The following FCN1 variants were observed in gnomAD, a reference collection of about 807,000 sequenced individuals.
The protein encoded by FCN1 is ficolin-1.
In FCN1, 42 loss-of-function variants were observed where a neutral mutation model predicts 35.6. That is an observed-to-expected ratio of 1.18 (90% CI 0.92 to 1.53). FCN1 has a LOEUF of 1.53. Among genes scored for constraint, FCN1 ranks in the 40% most tolerant of loss-of-function variants. FCN1 has a pLI of 0.00. For missense variants in FCN1, 439 were observed against 428.4 expected (o/e 1.02, Z -0.22); for synonymous variants, 179 against 169.8 (o/e 1.05, Z -0.42).
rs571364244 is a variant in FCN1 at position 134,905,025 on chromosome 9, T to G, written c.*4773A>C. On this transcript the variant is annotated 3_prime_UTR_variant, in exon 9 of 9. Transcript: ENST00000371806. ...GGCATAAAAAGCAGAAGGGAGTGAA[T>G]GTAGTTAGAGGTGTTTCAAAGTCTT... Among the ~76,000 whole-genome samples the G allele has an allele frequency of 7.7e-4, 117 of 152,032 alleles. No homozygotes were observed. The highest frequency in any genetic ancestry group is 2.6e-3 in the African/African-American group (106 of 41,464).
rs1831065750 is a variant in FCN1 at position 134,914,432 on chromosome 9, G to A, written c.272-12C>T. The A allele has an allele frequency of 1.2e-6, 2 of 1,613,806 alleles. No individual in the cohort carries two copies. Among genetic ancestry groups the A allele is most frequent in the East Asian group, 4.5e-5 (2 of 44,856 alleles). Reference sequence around the variant, plus strand: ...CTCTCCTCGGTCTCCTGGAGGAAGAGGCAGGATAATGAGCTTTTGACCCCA... The same window carrying A: ...CTCTCCTCGGTCTCCTGGAGGAAGAAGCAGGATAATGAGCTTTTGACCCCA... On this transcript the variant is annotated splice_polypyrimidine_tract_variant and intron_variant, in intron 3 of 8. Coordinates refer to ENST00000371806, the MANE Select transcript of FCN1 (RefSeq NM_002003.5).
intron 6 of FCN1, 119 bp downstream of exon 6, chr9:134,912,897 C>T: frequency 6.8e-7 from 1 of 1,474,992 alleles, no homozygotes; most frequent in South Asian, 1.3e-5. Flanking sequence ...CTTCCCCCAT[C>T]ATCTATGATT....
intron 7 of FCN1, among the ~76,000 whole-genome samples, chr9:134,912,085 C>G (rs371008581): frequency 1.3e-5 from 2 of 152,170 alleles, no homozygotes; most frequent in African/African-American, 4.8e-5. Flanking sequence ...CAGGTGAGTG[C>G]GGCTGTGGGG....
In FCN1 at chr9:134,904,289, C is replaced by T. The variant is rs924536585; in HGVS notation, c.*5509G>A. Reference sequence around the variant, plus strand: ...AGTCATATTACCTTCAGAGGAGCAACAAGACTTTCAGCTAGCTTTTCAGCT... The same window carrying T: ...AGTCATATTACCTTCAGAGGAGCAATAAGACTTTCAGCTAGCTTTTCAGCT... On this transcript the variant is annotated 3_prime_UTR_variant, in exon 9 of 9. Coordinates refer to ENST00000371806, the MANE Select transcript of FCN1 (RefSeq NM_002003.5). 6.6e-6 allele frequency among the ~76,000 whole-genome samples: 1 copy of T among 152,122 alleles called. No individual in the cohort carries two copies. The highest frequency in any genetic ancestry group is 2.4e-5 in the African/African-American group (1 of 41,434).
intron 7 of FCN1, among the ~76,000 whole-genome samples, chr9:134,912,106 G>A (rs1055011280): frequency 1.3e-5 from 2 of 152,338 alleles, no homozygotes; most frequent in African/African-American, 4.8e-5. Flanking sequence ...GGCCTGCTGA[G>A]GCGTGGGCTG....
rs1021810188 is a variant in FCN1 at position 134,904,507 on chromosome 9, G to A, written c.*5291C>T. 2.6e-5 allele frequency among the ~76,000 whole-genome samples: 4 copies of A among 152,128 alleles called. No homozygotes were observed. Among genetic ancestry groups the A allele is most frequent in the African/African-American group, 7.2e-5 (3 of 41,428 alleles). ...TCAAAAAATATATGAGGCTGGGCAC[G>A]GTGTCTCACATCTGTAATCCTAGCA... On this transcript the variant is annotated 3_prime_UTR_variant, in exon 9 of 9. Transcript: ENST00000371806.
In FCN1 at chr9:134,909,074, T is replaced by C; in HGVS notation, c.*724A>G. The C allele has an allele frequency of 7.4e-6, 4 of 540,482 alleles. No homozygotes were observed. The highest frequency in any genetic ancestry group is 1.2e-5 in the Non-Finnish European group (4 of 347,506). The allele number at this position is 540,482 out of a possible 1,614,324, so 33.5% of individuals were successfully genotyped here. ...CATCTCCTAGAAGCCTTGTGCAGCT[T>C]TTCCCACTGAGGTCCGCGGTCCCCT... On this transcript the variant is annotated 3_prime_UTR_variant, in exon 9 of 9. Transcript: ENST00000371806.
Position 134,905,468 on chromosome 9 carries a change from T to C in FCN1, c.*4330A>G, listed in dbSNP as rs576792871. 1.1e-4 allele frequency among the ~76,000 whole-genome samples: 16 copies of C among 152,290 alleles called. No individual in the cohort carries two copies. Among genetic ancestry groups the C allele is most frequent in the African/African-American group, 3.6e-4 (15 of 41,568 alleles). On this transcript the variant is annotated 3_prime_UTR_variant, in exon 9 of 9. Coordinates refer to ENST00000371806, the MANE Select transcript of FCN1 (RefSeq NM_002003.5). ...ATTGGTGATGGGAAAAGACTCTTCA[T>C]CTCTTCATAAGCTTGCTTTGCTTCT...
intron 2 of FCN1, 87 bp downstream of exon 2, chr9:134,916,261 G>A (rs911527776): frequency 3.9e-6 from 4 of 1,014,842 alleles, no homozygotes; most frequent in East Asian, 2.4e-5. Flanking sequence ...CACGGTGGGG[G>A]TGTTGCCCAA....
In FCN1 at chr9:134,909,136, G is replaced by T; in HGVS notation, c.*662C>A. 8.5e-7 allele frequency: 1 copy of T among 1,172,862 alleles called. No homozygotes were observed. The highest frequency in any genetic ancestry group is 1.4e-5 in the South Asian group (1 of 71,592). The allele number at this position is 1,172,862 out of a possible 1,614,324, so 72.7% of individuals were successfully genotyped here. A position where few individuals can be genotyped will look rare whatever the true frequency, so the allele number is the denominator to read the frequency against. On this transcript the variant is annotated 3_prime_UTR_variant, in exon 9 of 9. Coordinates refer to ENST00000371806, the MANE Select transcript of FCN1 (RefSeq NM_002003.5). Reference sequence around the variant, plus strand: ...CTGTGTGTGGGAGGAAGGCCTCTTCGGAATCTTCTCTGTGCAGGTGGCTGA... The same window carrying T: ...CTGTGTGTGGGAGGAAGGCCTCTTCTGAATCTTCTCTGTGCAGGTGGCTGA...
chr9:134,906,437 G>T lies in FCN1; in HGVS notation c.*3361C>A, dbSNP rs532459126. 2.0e-5 allele frequency: 3 copies of T among 152,196 alleles called. No individual in the cohort carries two copies. The highest frequency in any genetic ancestry group is 7.2e-5 in the African/African-American group (3 of 41,526). 9.4% of individuals were successfully genotyped at this position (152,196 alleles called of 1,614,324 possible). A position where few individuals can be genotyped will look rare whatever the true frequency, so the allele number is the denominator to read the frequency against. Reference sequence around the variant, plus strand: ...TAAATAACTTCAAACATTTAAAATTGCAATAAGAAGTGGAATACACTCAAA... The same window carrying T: ...TAAATAACTTCAAACATTTAAAATTTCAATAAGAAGTGGAATACACTCAAA... On this transcript the variant is annotated 3_prime_UTR_variant, in exon 9 of 9. Coordinates refer to ENST00000371806, the MANE Select transcript of FCN1 (RefSeq NM_002003.5).
intron 4 of FCN1, 21 bp downstream of exon 4, chr9:134,914,364 C>T (rs1323511694): frequency 6.2e-7 from 1 of 1,612,886 alleles, no homozygotes; most frequent in East Asian, 2.2e-5. Context: ...AGACAACTGC[C>T]TGGGCCCACG....
rs951231867 is a variant in FCN1 at position 134,914,382 on chromosome 9, C to T, written c.307+3G>A. ...CAACTGCCTGGGCCCACGGGTGGCT[C>T]ACCTTTCTCTCCACGCATCCCCTTC... is the stretch of plus-strand genomic sequence containing the variant. On this transcript the variant is annotated splice_donor_region_variant and intron_variant, in intron 4 of 8. Coordinates refer to ENST00000371806, the MANE Select transcript of FCN1 (RefSeq NM_002003.5). The T allele has an allele frequency of 1.9e-6, 3 of 1,613,886 alleles. No individual in the cohort carries two copies. In the African/African-American group the frequency reaches 4.0e-5, roughly 22 times the overall value.
chr9:134,915,728 A>G (rs1831084333), intron 2 of FCN1, among the ~76,000 whole-genome samples: 1 of 152,006 alleles, frequency 6.6e-6, no homozygotes, highest in South Asian at 2.1e-4. Flanking sequence ...TGGGGAGCTC[A>G]CCCCCTAAGG....
rs1248877016 is a variant in FCN1 at position 134,916,313 on chromosome 9, G to A, written c.217+35C>T. ...ATAAAGAGCAAGAGCCAGTGCCCCTGCCATGCCTGGCCTCCCCACCCGGCC... is the reference window on the plus strand; with the variant it reads ...ATAAAGAGCAAGAGCCAGTGCCCCTACCATGCCTGGCCTCCCCACCCGGCC... On this transcript the variant is annotated intron_variant, in intron 2 of 8. Coordinates refer to ENST00000371806, the MANE Select transcript of FCN1 (RefSeq NM_002003.5). 5 of 1,491,836 alleles carry A rather than the reference G, an allele frequency of 3.4e-6. No individual in the cohort carries two copies. The South Asian group carries it at 5.6e-5, about 17-fold the overall frequency. The allele number at this position is 1,491,836 out of a possible 1,614,324, so 92.4% of individuals were successfully genotyped here.
Position 134,911,134 on chromosome 9 carries a change from C to T in FCN1, c.732G>A (p.Ala244=), listed in dbSNP as rs373696199. 2.2e-5 allele frequency: 36 copies of T among 1,614,012 alleles called. No homozygotes were observed. The highest frequency in any genetic ancestry group is 1.1e-4 in the East Asian group (5 of 44,880). ...CACCAGCCCCAAGCAGACACTCACCCGCACTGCCCCCGACAAAGGCTCCCA... is the reference window on the plus strand; with the variant it reads ...CACCAGCCCCAAGCAGACACTCACCTGCACTGCCCCCGACAAAGGCTCCCA... The part of the protein sequence containing the change: ...LVLGAFVGGS[A]GNSLTGHNNN... The change falls in exon 8 of 9, where the codon GCG becomes GCA. Residue 244 remains alanine (A), a splice_region_variant and synonymous_variant. Transcript: ENST00000371806.
rs1318774010 is a variant in FCN1, at chr9:134,903,375, T to C, written c.*6423A>G. On this transcript the variant is annotated 3_prime_UTR_variant, in exon 9 of 9. Coordinates refer to ENST00000371806, the MANE Select transcript of FCN1 (RefSeq NM_002003.5). ...CATATTCTGGGCCATAAAATAAACA[T>C]TGGCAAATTTAAAATAATTGAAATC... Among the ~76,000 whole-genome samples the C allele has an allele frequency of 6.6e-6, 1 of 152,148 alleles. No individual in the cohort carries two copies. Among genetic ancestry groups the C allele is most frequent in the Non-Finnish European group, 1.5e-5 (1 of 67,994 alleles).
chr9:134,913,615 T>C lies in FCN1; in HGVS notation c.308-2A>G. The C allele has an allele frequency of 1.9e-6, 3 of 1,604,682 alleles. No individual in the cohort carries two copies. The South Asian group carries it at 3.3e-5, about 18-fold the overall frequency. On this transcript the variant is annotated splice_acceptor_variant, in intron 4 of 8. Transcript: ENST00000371806. LOFTEE classifies it high-confidence loss of function. Reference sequence around the variant, plus strand: ...ACGACTGAGACTGCCCAGCGTCTCCTGTGTGGGGAGAGGAGACACTTGTCA... The same window carrying C: ...ACGACTGAGACTGCCCAGCGTCTCCCGTGTGGGGAGAGGAGACACTTGTCA...
At position 134,909,669 on chromosome 9, in the gene FCN1, G is replaced by A. The variant is rs548853763; in HGVS notation, c.*129C>T. 2 of 1,594,970 alleles carry A rather than the reference G, an allele frequency of 1.3e-6. No individual in the cohort carries two copies. Among genetic ancestry groups the A allele is most frequent in the South Asian group, 2.2e-5 (2 of 89,980 alleles). ...GGCATGTGGCGGCTTGACTGAGCTGGGGGCAAAGGGGCAGCTGTGGGCGTC... is the reference window on the plus strand; with the variant it reads ...GGCATGTGGCGGCTTGACTGAGCTGAGGGCAAAGGGGCAGCTGTGGGCGTC... On this transcript the variant is annotated 3_prime_UTR_variant, in exon 9 of 9. Coordinates refer to ENST00000371806, the MANE Select transcript of FCN1 (RefSeq NM_002003.5).
Sources: gnomAD v4.1 joint callset for allele counts (sites outside exome capture counted in the v4.1 genomes callset) on GRCh38, gnomAD v4.1.1 for gene constraint, MANE v1.5 for transcripts, NCBI Gene and HGNC (gene_info 2026-07-23, HGNC 2026-07-21) for gene names.